Variants in SEMA6D observed in about 807,000 individuals in gnomAD.
SEMA6D encodes semaphorin 6D.
A neutral mutation model predicts 106.6 loss-of-function variants in SEMA6D; 35 were observed. The observed-to-expected ratio is 0.33, with a 90% CI of 0.25 to 0.44. SEMA6D has a LOEUF of 0.44. Ranked by LOEUF, SEMA6D falls within the 20% of genes least tolerant of loss-of-function variation. SEMA6D has a pLI of 1.00. For missense variants in SEMA6D, 1,185 were observed against 1,345.9 expected (o/e 0.88, Z 1.87); for synonymous variants, 499 against 487.7 (o/e 1.02, Z -0.31).
intron 3 of SEMA6D, among the ~76,000 whole-genome samples, chr15:47,538,277 G>A (rs2045239277): frequency 6.6e-6 from 1 of 152,070 alleles, no homozygotes; most frequent in Non-Finnish European, 1.5e-5. Context: ...ACATCTAGTA[G>A]TGTCTGGTCC....
chr15:47,322,820 G>A (rs756387092), intron 1 of SEMA6D, among the ~76,000 whole-genome samples: 3 of 152,022 alleles, frequency 2.0e-5, no homozygotes, highest in Non-Finnish European at 4.4e-5. Context: ...TATTTCCCTC[G>A]GATGGCAATT....
At chr15:47,226,861 T>C (rs2031706034) in intron 1 of SEMA6D, among the ~76,000 whole-genome samples, 1 of 152,126 alleles carries the variant, frequency 6.6e-6, no homozygotes, top group Admixed American at 6.6e-5. Context: ...ACATCTCTGC[T>C]TTGGTTCACA....
At chr15:47,269,136 AT>A (rs1360940969) in intron 1 of SEMA6D, among the ~76,000 whole-genome samples, 1 of 152,020 alleles carries the variant, frequency 6.6e-6, no homozygotes, top group Non-Finnish European at 1.5e-5. Context: ...TGTATGCTTT[AT>A]TTTTTTAAAT....
intron 3 of SEMA6D, among the ~76,000 whole-genome samples, chr15:47,560,783 T>A (rs2046055798): frequency 6.6e-6 from 1 of 152,086 alleles, no homozygotes; most frequent in African/African-American, 2.4e-5. Flanking sequence ...CCAGTATTAT[T>A]GTGTCCTTAT....
At chr15:47,766,859 T>C (rs1054555774) in intron 16 of SEMA6D, among the ~76,000 whole-genome samples, 178 bp from the exon 17 acceptor site, 2 of 152,210 alleles carry the variant, frequency 1.3e-5, no homozygotes, top group Admixed American at 1.3e-4. Context: ...CTTACTTTTT[T>C]TTTCCTTCAC....
At chr15:47,626,278 A>G (rs1312013071) in intron 4 of SEMA6D, among the ~76,000 whole-genome samples, 1 of 152,218 alleles carries the variant, frequency 6.6e-6, no homozygotes, top group African/African-American at 2.4e-5. Context: ...AAGAGCAGAC[A>G]CAGAGTTCCC....
In SEMA6D at chr15:47,186,049, G is replaced by A. The variant is rs1435733553; in HGVS notation, c.-239+1631G>A. On this transcript the variant is annotated intron_variant, in intron 1 of 19. Transcript: ENST00000558014. ...ATATACAATATTTGTGTATATATATGTGTATATATGTATGTATGTGTGCAT... is the reference window on the plus strand; with the variant it reads ...ATATACAATATTTGTGTATATATATATGTATATATGTATGTATGTGTGCAT... Among the ~76,000 whole-genome samples the A allele has an allele frequency of 2.0e-5, 3 of 151,990 alleles. No individual in the cohort carries two copies. In the South Asian group the frequency reaches 6.2e-4, roughly 32 times the overall value.
At chr15:47,184,572 G>T (rs1387929736) in intron 1 of SEMA6D, among the ~76,000 whole-genome samples, 5 of 152,208 alleles carry the variant, frequency 3.3e-5, no homozygotes, top group African/African-American at 1.2e-4. Context: ...GCCGCGGCCG[G>T]CGCAGAGACC....
intron 3 of SEMA6D, among the ~76,000 whole-genome samples, chr15:47,587,948 A>G (rs1248345701): frequency 6.6e-6 from 1 of 152,178 alleles, no homozygotes; most frequent in African/African-American, 2.4e-5. Flanking sequence ...TTACTCAGAC[A>G]GTTGCCATCT....
chr15:47,356,641 C>T (rs904089142), intron 1 of SEMA6D, among the ~76,000 whole-genome samples: 2 of 151,944 alleles, frequency 1.3e-5, no homozygotes, highest in Non-Finnish European at 2.9e-5. Context: ...TCATCCCTCT[C>T]ATTTCACAGA....
At chr15:47,389,903 C>T (rs1022755418) in intron 1 of SEMA6D, among the ~76,000 whole-genome samples, 2 of 152,194 alleles carry the variant, frequency 1.3e-5, no homozygotes, top group South Asian at 2.1e-4. Context: ...ACTATTTTCT[C>T]CTAATGCCCT....
intron 1 of SEMA6D, among the ~76,000 whole-genome samples, chr15:47,749,080 CTT>C (rs71118197): frequency 9.0e-4 from 92 of 102,676 alleles, no homozygotes; most frequent in Admixed American, 1.1e-3. Flanking sequence ...CTTTTTTTTT[CTT>C]TTTTTTTTTT....
At chr15:47,376,771 T>A (rs184095736) in intron 1 of SEMA6D, among the ~76,000 whole-genome samples, 67 of 152,326 alleles carry the variant, frequency 4.4e-4, no homozygotes, top group Admixed American at 2.0e-3. Flanking sequence ...GGGTAAAATA[T>A]GTTAAGTACC....
intron 1 of SEMA6D, among the ~76,000 whole-genome samples, chr15:47,336,987 T>G (rs2037590268): frequency 6.6e-6 from 1 of 152,058 alleles, no homozygotes; most frequent in Non-Finnish European, 1.5e-5. Flanking sequence ...GAAGTCCCTG[T>G]GTTTGGGTTT....
intron 1 of SEMA6D, chr15:47,399,621 G>A (rs544484034): frequency 4.1e-4 from 63 of 152,328 alleles, no homozygotes; most frequent in African/African-American, 1.5e-3. Context: ...CAGCCGAGAG[G>A]AACTTATGCC....
At chr15:47,330,410 T>C (rs2037297851) in intron 1 of SEMA6D, among the ~76,000 whole-genome samples, 1 of 152,156 alleles carries the variant, frequency 6.6e-6, no homozygotes, top group African/African-American at 2.4e-5. Flanking sequence ...ACAGTGGTGA[T>C]AGTGATGAGT....
chr15:47,483,790 G>C (rs1282562644), intron 3 of SEMA6D, among the ~76,000 whole-genome samples: 1 of 152,096 alleles, frequency 6.6e-6, no homozygotes, highest in African/African-American at 2.4e-5. Context: ...GTAAGGATCT[G>C]TTAAAAATCT....
intron 2 of SEMA6D, among the ~76,000 whole-genome samples, chr15:47,435,072 G>A (rs2041657781): frequency 6.6e-6 from 1 of 152,216 alleles, no homozygotes; most frequent in East Asian, 1.9e-4. Context: ...AACCATGTTG[G>A]AAACATCACA....
At chr15:47,333,506 A>G (rs1292948317) in intron 1 of SEMA6D, among the ~76,000 whole-genome samples, 1 of 152,136 alleles carries the variant, frequency 6.6e-6, no homozygotes, top group African/African-American at 2.4e-5. Context: ...TATCTAGATG[A>G]CAATAATGTC....
Sources: gnomAD v4.1 joint callset for allele counts (sites outside exome capture counted in the v4.1 genomes callset) on GRCh38, gnomAD v4.1.1 for gene constraint, MANE v1.5 for transcripts, NCBI Gene and HGNC (gene_info 2026-07-23, HGNC 2026-07-21) for gene names.